The following NFX1 variants were observed in gnomAD, a reference collection of about 807,000 sequenced individuals.
The protein encoded by NFX1 is nuclear transcription factor, X-box binding 1.
NFX1 carries 69 observed loss-of-function variants against 137.2 expected under a neutral mutation model. The ratio of observed to expected loss-of-function variants is 0.50; its 90% confidence interval spans 0.41 to 0.61. NFX1 has a LOEUF of 0.61. Ranked by LOEUF, NFX1 falls within the 20% of genes least tolerant of loss-of-function variation. The probability of loss-of-function intolerance (pLI) is 0.00; values close to 1 mark genes in which losing one functional copy is unlikely to be tolerated. For synonymous variants in NFX1, 495 were observed against 474.1 expected (o/e 1.04, Z -0.57); for missense variants, 1,167 against 1,391.0 (o/e 0.84, Z 2.56).
intron 13 of NFX1, 59 bp from the exon 14 acceptor site, chr9:33,344,010 T>C (rs1823319748): frequency 5.6e-6 from 9 of 1,609,156 alleles, no homozygotes; most frequent in Admixed American, 3.3e-5. Flanking sequence ...TGTGTTAGTA[T>C]GTACTTGCAC....
chr9:33,366,653 A>G lies in NFX1; in HGVS notation c.3064A>G (p.Ser1022Gly). The change falls in exon 22 of 24, where the codon AGC becomes GGC. Residue 1022 changes from serine to glycine, a missense_variant. Around this residue, in one of 3 missense-constraint regions of NFX1, gnomAD observed 312 missense variants for 312.8 expected, o/e 1.00. Coordinates refer to ENST00000379540, the MANE Select transcript of NFX1 (RefSeq NM_002504.6). ...NKGKNSKKSH[S>G]FPPMNRDHRR... ...GGGAAAGAATAGTAAGAAAAGCCACAGCTTCCCTCCCATGAACAGAGACCA... is the reference window on the plus strand; with the variant it reads ...GGGAAAGAATAGTAAGAAAAGCCACGGCTTCCCTCCCATGAACAGAGACCA... The G allele has an allele frequency of 6.2e-7, 1 of 1,614,154 alleles. No individual in the cohort carries two copies. The highest frequency in any genetic ancestry group is 8.5e-7 in the Non-Finnish European group (1 of 1,180,030).
At chr9:33,346,318 C>T (rs1194422519) in intron 14 of NFX1, among the ~76,000 whole-genome samples, 1 of 152,210 alleles carries the variant, frequency 6.6e-6, no homozygotes, top group Non-Finnish European at 1.5e-5. Context: ...TTTTGTTCCC[C>T]ATTCATTTCC....
chr9:33,309,645 A>C (rs1446060428), intron 5 of NFX1, among the ~76,000 whole-genome samples: 1 of 152,152 alleles, frequency 6.6e-6, no homozygotes, highest in African/African-American at 2.4e-5. Flanking sequence ...CAAAAGTGAC[A>C]GAGACAGGGT....
At chr9:33,301,227 G>T (rs1346853735) in intron 2 of NFX1, 36 bp from the exon 3 acceptor site, 2 of 1,585,748 alleles carry the variant, frequency 1.3e-6, no homozygotes, top group Admixed American at 1.7e-5. Context: ...TTTTGTGTTT[G>T]AGTTAATCTT....
chr9:33,358,808 C>T (rs1823901199), intron 19 of NFX1, among the ~76,000 whole-genome samples: 1 of 151,602 alleles, frequency 6.6e-6, no homozygotes. Context: ...ACTGCAAGTG[C>T]ATGCCACCAC....
intron 11 of NFX1, among the ~76,000 whole-genome samples, chr9:33,337,543 A>G (rs1324157615): frequency 6.6e-6 from 1 of 151,878 alleles, no homozygotes; most frequent in Non-Finnish European, 1.5e-5. Flanking sequence ...TTATTTTTTG[A>G]GTTTTAAAGG....
Position 33,303,280 on chromosome 9 carries a change from T to G in NFX1, c.1270+12T>G. 3 of 1,609,860 alleles carry G rather than the reference T, an allele frequency of 1.9e-6. No individual in the cohort carries two copies. In the East Asian group the frequency reaches 6.7e-5, roughly 36 times the overall value. On this transcript the variant is annotated intron_variant, in intron 4 of 23. Coordinates refer to ENST00000379540, the MANE Select transcript of NFX1 (RefSeq NM_002504.6). ...CACTTGTTTCTGTGGTAAGTTTGTT[T>G]ATATACACTGGAGTCTCTTTTACTA...
At chr9:33,313,569 GGA>G in intron 6 of NFX1, 83 bp from the exon 7 acceptor site, 2 of 1,353,572 alleles carry the variant, frequency 1.5e-6, no homozygotes, top group Non-Finnish European at 2.1e-6. Flanking sequence ...GGTTTTGAGG[GGA>G]GAGTTAGGGG....
intron 9 of NFX1, among the ~76,000 whole-genome samples, chr9:33,325,005 C>T (rs866025042): frequency 1.3e-5 from 2 of 151,862 alleles, no homozygotes; most frequent in African/African-American, 4.8e-5. Context: ...TGAACAAAGC[C>T]TCAGAAATGT....
chr9:33,334,662 T>A (rs1822934466), intron 11 of NFX1, among the ~76,000 whole-genome samples: 2 of 152,202 alleles, frequency 1.3e-5, no homozygotes, highest in African/African-American at 4.8e-5. Flanking sequence ...TTTAGGCTTA[T>A]ACTAAAGATA....
At chr9:33,310,091 T>C (rs1821911042) in intron 5 of NFX1, among the ~76,000 whole-genome samples, 3 of 152,256 alleles carry the variant, frequency 2.0e-5, no homozygotes, top group Non-Finnish European at 4.4e-5. Flanking sequence ...CTTAGAAGAC[T>C]AGACACTTGT....
At position 33,331,216 on chromosome 9, in the gene NFX1, G is replaced by A. The variant is rs147128081; in HGVS notation, c.2005-1256G>A. Among the ~76,000 whole-genome samples the A allele has an allele frequency of 6.1e-3, 929 of 152,138 alleles. 3 individuals carry two copies. The highest frequency in any genetic ancestry group is 0.01 in the Middle Eastern group (3 of 294). On this transcript the variant is annotated intron_variant, in intron 10 of 23. Coordinates refer to ENST00000379540, the MANE Select transcript of NFX1 (RefSeq NM_002504.6). ...TAATTATCACCTCATTGTTTAACTAGATTTTTCATGAATATGGATTTTTCA... is the reference window on the plus strand; with the variant it reads ...TAATTATCACCTCATTGTTTAACTAAATTTTTCATGAATATGGATTTTTCA...
intron 21 of NFX1, 88 bp downstream of exon 21, chr9:33,364,862 C>A: frequency 6.4e-7 from 1 of 1,554,614 alleles, no homozygotes; most frequent in Non-Finnish European, 8.7e-7. Context: ...ACACTTTCAA[C>A]CTAGAGTAGT....
At chr9:33,338,630 A>G (rs967589892) in intron 12 of NFX1, 41 bp downstream of exon 12, 5 of 1,521,494 alleles carry the variant, frequency 3.3e-6, no homozygotes, top group Non-Finnish European at 4.4e-6. Flanking sequence ...CCATTCATCC[A>G]GGTGCTGGGC....
intron 23 of NFX1, 133 bp from the exon 24 acceptor site, chr9:33,369,769 AAAGT>A: frequency 2.8e-6 from 2 of 726,702 alleles, no homozygotes; most frequent in Non-Finnish European, 4.6e-6. Context: ...AGAAGGAAAA[AAAGT>A]AAGACTAAAA....
rs1375403497 is a variant in NFX1 at position 33,293,277 on chromosome 9, G to A, written c.26-1143G>A. Among the ~76,000 whole-genome samples, 5 of 152,308 alleles carry A rather than the reference G, an allele frequency of 3.3e-5. No individual in the cohort carries two copies. The South Asian group carries it at 1.0e-3, about 32-fold the overall frequency. Reference sequence around the variant, plus strand: ...TGAGTTAATACATGTAAAGTGCTTAGGATAGTGCCTGGCACATAATACCTA... The same window carrying A: ...TGAGTTAATACATGTAAAGTGCTTAAGATAGTGCCTGGCACATAATACCTA... On this transcript the variant is annotated intron_variant, in intron 1 of 23. Coordinates refer to ENST00000379540, the MANE Select transcript of NFX1 (RefSeq NM_002504.6).
chr9:33,361,476 AAAAT>A (rs1454337756), intron 19 of NFX1, among the ~76,000 whole-genome samples: 9 of 152,092 alleles, frequency 5.9e-5, no homozygotes, highest in Non-Finnish European at 1.2e-4. Flanking sequence ...GGCGGTACTT[AAAAT>A]TATAGAGAAA....
intron 5 of NFX1, 67 bp downstream of exon 5, chr9:33,307,366 C>T (rs2118277759): frequency 1.5e-6 from 2 of 1,321,832 alleles, no homozygotes; most frequent in East Asian, 2.3e-5. Context: ...TCTAAGTAAA[C>T]ATACCTGGTT....
intron 6 of NFX1, among the ~76,000 whole-genome samples, chr9:33,311,837 T>C (rs930178469): frequency 4.6e-5 from 7 of 152,094 alleles, no homozygotes; most frequent in African/African-American, 1.7e-4. Flanking sequence ...AGGCATGAGC[T>C]ACCGCGCTCG....
Sources: allele counts gnomAD v4.1 joint callset (sites outside exome capture counted in the v4.1 genomes callset), GRCh38; gene constraint gnomAD v4.1.1; regional missense constraint gnomAD v4.1.1; transcripts MANE v1.5; gene names NCBI Gene and HGNC (gene_info 2026-07-23, HGNC 2026-07-21).